Variants in NRXN1 observed in about 807,000 individuals in gnomAD.
The protein encoded by NRXN1 is neurexin-1.
A neutral mutation model predicts 150.9 loss-of-function variants in NRXN1; 39 were observed. The observed-to-expected ratio is 0.26, with a 90% confidence interval of 0.20 to 0.34. The LOEUF (loss-of-function observed/expected upper bound fraction) is 0.34, where lower values mean the gene tolerates loss of function less well. Ranked by LOEUF, NRXN1 falls within the 10% of genes least tolerant of loss-of-function variation. The pLI, the probability that NRXN1 is intolerant of heterozygous loss-of-function variation, is 1.00. For synonymous variants in NRXN1, 924 were observed against 757.0 expected (o/e 1.22, Z -3.62); for missense variants, 1,815 against 1,949.9 (o/e 0.93, Z 1.30).
intron 12 of NRXN1, among the ~76,000 whole-genome samples, chr2:50,517,566 AT>A (rs1214201793): frequency 2.6e-5 from 4 of 152,262 alleles, no homozygotes; most frequent in Non-Finnish European, 5.9e-5. Flanking sequence ...GCAGGATGGA[AT>A]TTGGTAACCC....
chr2:49,984,780 A>G (rs1280556077), intron 21 of NRXN1, among the ~76,000 whole-genome samples: 5 of 152,018 alleles, frequency 3.3e-5, no homozygotes. Flanking sequence ...CAGAAGTTAT[A>G]TTGCATAGTA....
chr2:50,792,091 T>C (rs558020913), intron 5 of NRXN1, among the ~76,000 whole-genome samples: 87 of 152,206 alleles, frequency 5.7e-4, no homozygotes, highest in African/African-American at 1.7e-3. Flanking sequence ...AAATGTAGTA[T>C]ATCGGAAGAA....
At chr2:50,499,098 G>A (rs886716012) in intron 13 of NRXN1, among the ~76,000 whole-genome samples, 3 of 152,070 alleles carry the variant, frequency 2.0e-5, no homozygotes, top group Admixed American at 6.6e-5. Context: ...ATTAGACAGT[G>A]TTTAAGGAAA....
chr2:50,073,744 T>C (rs1216452191), intron 19 of NRXN1, among the ~76,000 whole-genome samples: 2 of 151,052 alleles, frequency 1.3e-5, no homozygotes, highest in African/African-American at 4.9e-5. Context: ...AAATTGAGAA[T>C]AAAAAAAAAG....
At chr2:50,252,258 C>CTTTTTTT (rs143522284) in intron 17 of NRXN1, among the ~76,000 whole-genome samples, 51 of 69,716 alleles carry the variant, frequency 7.3e-4, no homozygotes, top group African/African-American at 2.4e-3. Context: ...TTTTTCTTTT[C>CTTTTTTT]TTTTTTTTTT....
At chr2:50,528,394 A>G (rs2093013110) in intron 12 of NRXN1, among the ~76,000 whole-genome samples, 1 of 152,118 alleles carries the variant, frequency 6.6e-6, no homozygotes, top group Non-Finnish European at 1.5e-5. Flanking sequence ...TCTGTTACAA[A>G]ACACTTGTCA....
intron 21 of NRXN1, among the ~76,000 whole-genome samples, chr2:50,052,077 G>A (rs1395314887): frequency 2.0e-5 from 3 of 151,922 alleles, no homozygotes; most frequent in African/African-American, 7.2e-5. Flanking sequence ...AAAAATCAGA[G>A]TCAATTTTCT....
At chr2:50,527,835 T>C (rs1217101358) in intron 12 of NRXN1, among the ~76,000 whole-genome samples, 1 of 152,178 alleles carries the variant, frequency 6.6e-6, no homozygotes, top group Non-Finnish European at 1.5e-5. Flanking sequence ...AACCATTTTA[T>C]TTAAATTGCT....
chr2:50,011,268 T>G (rs1488014806), intron 21 of NRXN1, among the ~76,000 whole-genome samples: 1 of 152,120 alleles, frequency 6.6e-6, no homozygotes, highest in Non-Finnish European at 1.5e-5. Flanking sequence ...AACAAAGATA[T>G]TAAACTGAAC....
intron 17 of NRXN1, among the ~76,000 whole-genome samples, chr2:50,294,419 AAAAAT>A (rs1271209158): frequency 2.6e-5 from 4 of 152,220 alleles, no homozygotes; most frequent in Non-Finnish European, 4.4e-5. Context: ...ATTCTGTTAT[AAAAAT>A]AAAATAAATC....
rs1395605184 is a variant in NRXN1 at position 50,531,217 on chromosome 2, AGG to A, written c.2347+8_2347+9del. 1.9e-6 allele frequency: 3 copies of A among 1,608,196 alleles called. No individual in the cohort carries two copies. The highest frequency in any genetic ancestry group is 2.6e-6 in the Non-Finnish European group (3 of 1,176,392). On this transcript the variant is annotated splice_region_variant and intron_variant, in intron 11 of 22. Coordinates refer to ENST00000401669, the MANE Select transcript of NRXN1 (RefSeq NM_001330078.2). ...AAGTGTTAGTTCAATGGGGGAAGGCAGGTTGTTACCTAGATTGACCGTCAGTT... is the reference window on the plus strand; with the variant it reads ...AAGTGTTAGTTCAATGGGGGAAGGCATTGTTACCTAGATTGACCGTCAGTT...
At chr2:50,743,598 A>G (rs2105287137) in intron 5 of NRXN1, among the ~76,000 whole-genome samples, 1 of 152,306 alleles carries the variant, frequency 6.6e-6, no homozygotes, top group East Asian at 1.9e-4. Flanking sequence ...TGCAGATGAA[A>G]AGAAAATGGA....
chr2:50,783,000 G>T (rs185387886), intron 5 of NRXN1, among the ~76,000 whole-genome samples: 2 of 152,112 alleles, frequency 1.3e-5, no homozygotes, highest in African/African-American at 4.8e-5. Flanking sequence ...CTGATAATGT[G>T]TAAAGAACCA....
At chr2:50,476,871 T>C (rs1022006386) in intron 15 of NRXN1, among the ~76,000 whole-genome samples, 10 of 152,054 alleles carry the variant, frequency 6.6e-5, no homozygotes, top group African/African-American at 2.2e-4. Context: ...ATCTTCTAAT[T>C]TGACACAAAG....
At chr2:50,043,901 T>C (rs909039317) in intron 21 of NRXN1, among the ~76,000 whole-genome samples, 66 of 152,076 alleles carry the variant, frequency 4.3e-4, no homozygotes, top group African/African-American at 1.5e-3. Context: ...TTCTCTTATT[T>C]GAGATTTGGG....
chr2:50,251,088 C>A (rs1387031290), intron 17 of NRXN1, among the ~76,000 whole-genome samples: 1 of 151,264 alleles, frequency 6.6e-6, no homozygotes, highest in East Asian at 1.9e-4. Context: ...TATTGTATTA[C>A]ATATGTAATA....
intron 5 of NRXN1, among the ~76,000 whole-genome samples, chr2:50,714,615 G>C (rs982108597): frequency 6.6e-6 from 1 of 152,064 alleles, no homozygotes; most frequent in Admixed American, 6.6e-5. Flanking sequence ...CAAAAGGCCT[G>C]GAGCTCAGAG....
chr2:50,931,285 T>G (rs947444948), intron 2 of NRXN1, among the ~76,000 whole-genome samples: 1 of 152,116 alleles, frequency 6.6e-6, no homozygotes, highest in Non-Finnish European at 1.5e-5. Flanking sequence ...ACTCTTAACT[T>G]TATTATTCTA....
intron 5 of NRXN1, among the ~76,000 whole-genome samples, chr2:50,915,570 T>G (rs546338403): frequency 6.6e-6 from 1 of 151,720 alleles, no homozygotes; most frequent in Non-Finnish European, 1.5e-5. Flanking sequence ...TAATACTTTT[T>G]TGTACAAATG....
Sources: gnomAD v4.1 joint callset for allele counts (sites outside exome capture counted in the v4.1 genomes callset) on GRCh38, gnomAD v4.1.1 for gene constraint, MANE v1.5 for transcripts, NCBI Gene and HGNC (gene_info 2026-07-23, HGNC 2026-07-21) for gene names.